Variants in RPA2 observed in about 807,000 individuals in gnomAD.
RPA2 encodes replication protein A2.
In RPA2, 22 loss-of-function variants were observed where a neutral mutation model predicts 33.4. That is an observed-to-expected ratio of 0.66 (90% CI 0.47 to 0.94). RPA2 has a LOEUF of 0.94. RPA2 is among the 40% of genes least tolerant of loss of function. The pLI, the probability that RPA2 is intolerant of heterozygous loss-of-function variation, is 0.00. For missense variants in RPA2, 279 were observed against 329.9 expected (o/e 0.85, Z 1.19); for synonymous variants, 109 against 114.9 (o/e 0.95, Z 0.33).
chr1:27,905,455 G>C (rs545252799), intron 4 of RPA2, among the ~76,000 whole-genome samples: 1 of 151,856 alleles, frequency 6.6e-6, no homozygotes, highest in African/African-American at 2.4e-5. Context: ...AACCACGCCC[G>C]GCTAATTTTT....
At position 27,891,855 on chromosome 1, in the gene RPA2, G is replaced by C. The variant is rs934830635; in HGVS notation, c.*308C>G. Reference sequence around the variant, plus strand: ...AAGAAGAGAAACTCCTGAGCACTATGTAAGTACTCTCCTGGTAGCATCCTT... The same window carrying C: ...AAGAAGAGAAACTCCTGAGCACTATCTAAGTACTCTCCTGGTAGCATCCTT... On this transcript the variant is annotated 3_prime_UTR_variant, in exon 9 of 9. Coordinates refer to ENST00000373912, the MANE Select transcript of RPA2 (RefSeq NM_002946.5). 2 of 296,788 alleles carry C rather than the reference G, an allele frequency of 6.7e-6. No individual in the cohort carries two copies. The highest frequency in any genetic ancestry group is 1.3e-5 in the Non-Finnish European group (2 of 156,046). The allele number at this position is 296,788 out of a possible 1,614,324, so 18.4% of individuals were successfully genotyped here.
At chr1:27,899,957 G>A (rs2089946913) in intron 4 of RPA2, among the ~76,000 whole-genome samples, 1 of 152,186 alleles carries the variant, frequency 6.6e-6, no homozygotes, top group African/African-American at 2.4e-5. Flanking sequence ...TGGGATTACA[G>A]GCGTGAGCCA....
At position 27,914,575 on chromosome 1, in the gene RPA2, T is replaced by C. The variant is rs1033057905; in HGVS notation, c.-132A>G. ...GGCACCACAAACGCCTTCCCGCGAA[T>C]GGCGGAGCCAGTCAGCTCCCGGGGT... On this transcript the variant is annotated 5_prime_UTR_variant, in exon 1 of 9. Transcript: ENST00000373912. 29 of 1,612,572 alleles carry C rather than the reference T, an allele frequency of 1.8e-5. No individual in the cohort carries two copies. The highest frequency in any genetic ancestry group is 4.0e-5 in the African/African-American group (3 of 75,034).
chr1:27,905,469 T>C (rs2090015983), intron 4 of RPA2, among the ~76,000 whole-genome samples: 2 of 151,850 alleles, frequency 1.3e-5, no homozygotes, highest in Admixed American at 1.3e-4. Context: ...AATTTTTGTA[T>C]TTTTAGGAGA....
chr1:27,894,976 CTT>C (rs2089871570), intron 6 of RPA2, among the ~76,000 whole-genome samples: 1 of 152,198 alleles, frequency 6.6e-6, no homozygotes, highest in African/African-American at 2.4e-5. Flanking sequence ...CCAAAAGTCT[CTT>C]TCAGTCCTCC....
chr1:27,899,719 C>T lies in RPA2; in HGVS notation c.334-2012G>A, dbSNP rs566983304. On this transcript the variant is annotated intron_variant, in intron 4 of 8. Transcript: ENST00000373912. Reference sequence around the variant, plus strand: ...TTTTTGAGACAGAGTCTCGCTCTGTCGCCCAGGCTGGAGTGCAGTGGTGGG... The same window carrying T: ...TTTTTGAGACAGAGTCTCGCTCTGTTGCCCAGGCTGGAGTGCAGTGGTGGG... Among the ~76,000 whole-genome samples, 330 of 151,950 alleles carry T rather than the reference C, an allele frequency of 2.2e-3. 2 individuals carry two copies. Among genetic ancestry groups the T allele is most frequent in the African/African-American group, 7.4e-3 (306 of 41,468 alleles).
At chr1:27,900,035 C>G (rs2089948333) in intron 4 of RPA2, among the ~76,000 whole-genome samples, 1 of 151,688 alleles carries the variant, frequency 6.6e-6, no homozygotes, top group Non-Finnish European at 1.5e-5. Context: ...TCTTGAACTC[C>G]TGACTTCAGG....
intron 6 of RPA2, 103 bp from the exon 7 acceptor site, chr1:27,894,500 AAC>A: frequency 2.3e-6 from 2 of 869,404 alleles, no homozygotes; most frequent in South Asian, 1.6e-5. Flanking sequence ...ACAATTTATA[AAC>A]AGTTTCCCAG....
At chr1:27,901,018 C>T (rs566282451) in intron 4 of RPA2, among the ~76,000 whole-genome samples, 3 of 152,224 alleles carry the variant, frequency 2.0e-5, no homozygotes, top group Admixed American at 1.3e-4. Context: ...ATTGTTAAAA[C>T]GACAATAAAG....
intron 2 of RPA2, among the ~76,000 whole-genome samples, chr1:27,908,426 C>T (rs2090057731): frequency 6.6e-6 from 1 of 151,734 alleles, no homozygotes; most frequent in African/African-American, 2.4e-5. Context: ...CTGTGCTGGA[C>T]TCATGTTGGA....
chr1:27,912,752 T>C (rs2090114731), intron 2 of RPA2, among the ~76,000 whole-genome samples: 1 of 152,164 alleles, frequency 6.6e-6, no homozygotes. Flanking sequence ...GCAAGATGGA[T>C]TCTGGAGCCC....
intron 4 of RPA2, among the ~76,000 whole-genome samples, chr1:27,898,681 G>C (rs2148654341): frequency 6.6e-6 from 1 of 152,036 alleles, no homozygotes; most frequent in Middle Eastern, 3.4e-3. Flanking sequence ...AAATAGCTGG[G>C]ACTATAGGCG....
intron 2 of RPA2, among the ~76,000 whole-genome samples, chr1:27,907,603 C>T (rs1357644196): frequency 6.6e-6 from 1 of 152,174 alleles, no homozygotes; most frequent in Non-Finnish European, 1.5e-5. Context: ...AACAGACCTT[C>T]AAGAGGAAAC....
At chr1:27,907,145 T>C in intron 3 of RPA2, 36 bp downstream of exon 3, 2 of 1,591,452 alleles carry the variant, frequency 1.3e-6, no homozygotes, top group Non-Finnish European at 1.7e-6. Flanking sequence ...TTCTTTATTA[T>C]GAGTAAGTGA....
intron 4 of RPA2, among the ~76,000 whole-genome samples, chr1:27,900,462 T>C (rs2089954721): frequency 1.3e-5 from 2 of 151,464 alleles, no homozygotes; most frequent in African/African-American, 4.9e-5. Flanking sequence ...CTTAAGATTT[T>C]TTTTTTTTTT....
At chr1:27,896,255 C>G (rs1479987758) in intron 6 of RPA2, among the ~76,000 whole-genome samples, 2 of 152,038 alleles carry the variant, frequency 1.3e-5, no homozygotes, top group Non-Finnish European at 2.9e-5. Flanking sequence ...GTGAGTGGCA[C>G]GATCACAGCT....
chr1:27,914,396 G>T (rs764542643), intron 1 of RPA2, 38 bp downstream of exon 1: 7 of 1,612,924 alleles, frequency 4.3e-6, no homozygotes, highest in Non-Finnish European at 3.4e-6. Context: ...AACCTCCTGC[G>T]ATTCTCTTCC....
chr1:27,899,712 GCT>G (rs1367146161), intron 4 of RPA2, among the ~76,000 whole-genome samples: 1 of 151,384 alleles, frequency 6.6e-6, no homozygotes, highest in Non-Finnish European at 1.5e-5. Context: ...ACAGAGTCTC[GCT>G]CTGTCGCCCA....
chr1:27,892,051 G>T lies in RPA2; in HGVS notation c.*112C>A. 1.4e-6 allele frequency: 1 copy of T among 740,560 alleles called. No individual in the cohort carries two copies. Among genetic ancestry groups the T allele is most frequent in the Non-Finnish European group, 2.3e-6 (1 of 440,136 alleles). The allele number at this position is 740,560 out of a possible 1,614,324, so 45.9% of individuals were successfully genotyped here. ...AGGAAGTCAGAGGAGACATTTGATA[G>T]ATGAAACCTACTTCCTAGAAGCCCC... On this transcript the variant is annotated 3_prime_UTR_variant, in exon 9 of 9. Transcript: ENST00000373912.
Sources: gnomAD v4.1 joint callset for allele counts (sites outside exome capture counted in the v4.1 genomes callset) on GRCh38, gnomAD v4.1.1 for gene constraint, MANE v1.5 for transcripts, NCBI Gene and HGNC (gene_info 2026-07-23, HGNC 2026-07-21) for gene names.